The following ERCC6 variants were observed in gnomAD, a reference collection of about 807,000 sequenced individuals.
The protein encoded by ERCC6 is DNA excision repair protein ERCC-6.
ERCC6 carries 116 observed loss-of-function variants against 158.7 expected under a neutral mutation model. The ratio of observed to expected loss-of-function variants is 0.73; its 90% confidence interval spans 0.63 to 0.85. ERCC6 has a LOEUF of 0.85. Among genes scored for constraint, ERCC6 ranks in the 40% least tolerant of loss-of-function variants. ERCC6 has a pLI of 0.00. For synonymous variants in ERCC6, 678 were observed against 659.3 expected (o/e 1.03, Z -0.43); for missense variants, 1,698 against 1,799.4 (o/e 0.94, Z 1.02).
Position 49,456,558 on chromosome 10 carries a change from T to C in ERCC6, c.*2257A>G, listed in dbSNP as rs1359763634. On this transcript the variant is annotated 3_prime_UTR_variant, in exon 21 of 21. Transcript: ENST00000355832. ...AGAATACACACCAAACCTAGGGCTG[T>C]ACTTAGCTGTGGAACAGGTGCAAGA... 1 of 152,186 alleles carries C rather than the reference T, an allele frequency of 6.6e-6. No homozygotes were observed. Among genetic ancestry groups the C allele is most frequent in the Non-Finnish European group, 1.5e-5 (1 of 68,026 alleles). The allele number at this position is 152,186 out of a possible 1,614,324, so 9.4% of individuals were successfully genotyped here.
chr10:49,522,229 T>C (rs1433913710), intron 5 of ERCC6, among the ~76,000 whole-genome samples: 1 of 152,246 alleles, frequency 6.6e-6, no homozygotes, highest in Non-Finnish European at 1.5e-5. Context: ...ACCATTTCAA[T>C]TAGTCTACAA....
In ERCC6 at chr10:49,500,863, A is replaced by G. The variant is rs1437042229; in HGVS notation, c.1527-167T>C. ...GAGTATTATATTTATAAGGTCATAC[A>G]TTTTTGATCACCTAGGCATAAAAAT... is the stretch of plus-strand genomic sequence containing the variant. On this transcript the variant is annotated intron_variant, in intron 6 of 20. Transcript: ENST00000355832. The G allele has an allele frequency of 3.0e-5, 21 of 704,658 alleles. No individual in the cohort carries two copies. The East Asian group carries it at 5.5e-4, about 18-fold the overall frequency. The allele number at this position is 704,658 out of a possible 1,614,324, so 43.7% of individuals were successfully genotyped here. A position where few individuals can be genotyped will look rare whatever the true frequency, so the allele number is the denominator to read the frequency against.
chr10:49,469,810 G>A (rs1302158563), intron 18 of ERCC6, among the ~76,000 whole-genome samples: 3 of 152,128 alleles, frequency 2.0e-5, no homozygotes, highest in Non-Finnish European at 4.4e-5. Context: ...CTAGCCACAC[G>A]CTTGTCCCTC....
chr10:49,469,592 C>G (rs1428419904), intron 18 of ERCC6, among the ~76,000 whole-genome samples: 1 of 152,166 alleles, frequency 6.6e-6, no homozygotes, highest in East Asian at 1.9e-4. Flanking sequence ...AAATGCTACA[C>G]ATAAACCTGC....
the ERCC6 span, among the ~76,000 whole-genome samples, chr10:49,438,318 GCCT>G: frequency 3.1e-4 from 47 of 152,302 alleles, no homozygotes; most frequent in African/African-American, 1.1e-3. Flanking sequence ...GGCTGGGGAG[GCCT>G]CAGAATCATG....
chr10:49,456,287 T>C lies in ERCC6; in HGVS notation c.*2528A>G, dbSNP rs1850482578. The C allele has an allele frequency of 6.6e-6, 1 of 152,164 alleles. No homozygotes were observed. Among genetic ancestry groups the C allele is most frequent in the South Asian group, 2.1e-4 (1 of 4,828 alleles). 9.4% of individuals were successfully genotyped at this position (152,164 alleles called of 1,614,324 possible). On this transcript the variant is annotated 3_prime_UTR_variant, in exon 21 of 21. Coordinates refer to ENST00000355832, the MANE Select transcript of ERCC6 (RefSeq NM_000124.4). ...TGCCAGGTCACTACTGAAGCTCCCATTGGCCTCCCAGCCAGCAAGAAAGGG... is the reference window on the plus strand; with the variant it reads ...TGCCAGGTCACTACTGAAGCTCCCACTGGCCTCCCAGCCAGCAAGAAAGGG...
intron 1 of ERCC6, among the ~76,000 whole-genome samples, chr10:49,533,242 C>T (rs1837515406): frequency 1.3e-5 from 2 of 152,176 alleles, no homozygotes; most frequent in Admixed American, 1.3e-4. Flanking sequence ...AGAAAGCCAG[C>T]CACCAAAATC....
downstream of ERCC6, among the ~76,000 whole-genome samples, chr10:49,450,720 G>C (rs901400047): frequency 3.3e-5 from 5 of 151,902 alleles, no homozygotes; most frequent in African/African-American, 1.2e-4. Flanking sequence ...TGCACTTTTT[G>C]TTAAATATGT....
intron 7 of ERCC6, among the ~76,000 whole-genome samples, chr10:49,495,741 C>T (rs987764934): frequency 6.6e-6 from 1 of 152,084 alleles, no homozygotes; most frequent in African/African-American, 2.4e-5. Flanking sequence ...CTCTCCACCA[C>T]GAGCAACCTA....
At chr10:49,473,413 G>C in intron 14 of ERCC6, 64 bp downstream of exon 14, 7 of 1,071,946 alleles carry the variant, frequency 6.5e-6, no homozygotes, top group Non-Finnish European at 1.0e-5. Flanking sequence ...GTGTGGATAC[G>C]CTTAGTCCTT....
At chr10:49,448,971 C>A in the ERCC6 span, among the ~76,000 whole-genome samples, 3 of 152,162 alleles carry the variant, frequency 2.0e-5, no homozygotes, top group Admixed American at 6.5e-5. Context: ...GGACATAAGT[C>A]TTCATTTCAC....
At chr10:49,487,960 A>C (rs1306870524) in intron 8 of ERCC6, among the ~76,000 whole-genome samples, 1 of 152,220 alleles carries the variant, frequency 6.6e-6, no homozygotes, top group Non-Finnish European at 1.5e-5. Flanking sequence ...ATTTGTTATC[A>C]CCTGATTCAA....
the ERCC6 span, among the ~76,000 whole-genome samples, chr10:49,439,766 G>T: frequency 0.02 from 2,975 of 152,198 alleles, 57 homozygotes; most frequent in Non-Finnish European, 0.028. Flanking sequence ...ATGCTTTGCT[G>T]CTTGGAAATT....
rs775291191 is a variant in ERCC6 at position 49,530,744 on chromosome 10, A to G, written c.519T>C (p.Ser173=). Residue 173 remains serine, a synonymous_variant, in exon 3 of 21, where the codon TCT becomes TCC. Coordinates refer to ENST00000355832, the MANE Select transcript of ERCC6 (RefSeq NM_000124.4). Reference sequence around the variant, plus strand: ...CCTTATTATACTTCTGTCGTTTTACAGAATCTAGTTTCCTGTTGATGTCTC... The same window carrying G: ...CCTTATTATACTTCTGTCGTTTTACGGAATCTAGTTTCCTGTTGATGTCTC... ...TSRDINRKLD[S]VKRQKYNKEQ... The G allele has an allele frequency of 8.1e-6, 13 of 1,613,614 alleles. No homozygotes were observed. The highest frequency in any genetic ancestry group is 1.3e-5 in the African/African-American group (1 of 74,926).
chr10:49,532,328 G>A (rs1837487866), intron 2 of ERCC6, among the ~76,000 whole-genome samples: 1 of 152,148 alleles, frequency 6.6e-6, no homozygotes, highest in East Asian at 1.9e-4. Context: ...TTCACGAGCT[G>A]GACAGAGACT....
intron 4 of ERCC6, among the ~76,000 whole-genome samples, chr10:49,527,769 T>C (rs1210153126): frequency 6.6e-6 from 1 of 152,230 alleles, no homozygotes; most frequent in Non-Finnish European, 1.5e-5. Context: ...TAGAAAATAG[T>C]TGCTTAGAGA....
Position 49,498,629 on chromosome 10 carries a change from T to C in ERCC6, c.1685+1909A>G, listed in dbSNP as rs1383847390. On this transcript the variant is annotated intron_variant, in intron 7 of 20. Transcript: ENST00000355832. ...AGACAATCTGGGATGTAGTCCAATA[T>C]GCCACATTATTTCATTATAGAGAAG... 6.6e-5 allele frequency among the ~76,000 whole-genome samples: 10 copies of C among 152,332 alleles called. 1 individual carries two copies. Among genetic ancestry groups the C allele is most frequent in the African/African-American group, 2.2e-4 (9 of 41,568 alleles).
At chr10:49,451,424 G>T (rs1333619761), downstream of ERCC6, among the ~76,000 whole-genome samples, 2 of 152,038 alleles carry the variant, frequency 1.3e-5, no homozygotes, top group African/African-American at 4.8e-5. Context: ...ATTTTTCATA[G>T]ATGTTCTTTA....
At chr10:49,442,496 T>C in the ERCC6 span, among the ~76,000 whole-genome samples, 6 of 152,238 alleles carry the variant, frequency 3.9e-5, no homozygotes, top group Non-Finnish European at 7.3e-5. Context: ...TGAAACAACA[T>C]AGAAATTCTT....
Sources: gnomAD v4.1 joint callset for allele counts (sites outside exome capture counted in the v4.1 genomes callset) on GRCh38, gnomAD v4.1.1 for gene constraint, MANE v1.5 for transcripts, NCBI Gene and HGNC (gene_info 2026-07-23, HGNC 2026-07-21) for gene names.